Variants in CEP63 observed in about 807,000 individuals in gnomAD.
The protein encoded by CEP63 is centrosomal protein 63.
A neutral mutation model predicts 89.1 loss-of-function variants in CEP63; 84 were observed. The ratio of observed to expected loss-of-function variants is 0.94; its 90% CI spans 0.79 to 1.13. The LOEUF (loss-of-function observed/expected upper bound fraction) is 1.13. CEP63 is among the 50% of genes most tolerant of loss of function. The pLI, the probability that CEP63 is intolerant of heterozygous loss-of-function variation, is 0.00. For missense variants in CEP63, 838 were observed against 813.3 expected (o/e 1.03, Z -0.37); for synonymous variants, 267 against 272.5 (o/e 0.98, Z 0.20).
chr3:134,733,468 G>A, the CEP63 span, among the ~76,000 whole-genome samples: 2 of 151,912 alleles, frequency 1.3e-5, no homozygotes, highest in African/African-American at 4.8e-5. Context: ...AACATACAAA[G>A]GAAGGCAGCA....
rs547788522 is a variant in CEP63 at position 134,489,281 on chromosome 3, A to G, written c.-26+3079A>G. ...AGTGCAGTTATAAAATATTTTCATA[A>G]TTGCAGAAAGTTGTATTGAACAGCA... On this transcript the variant is annotated intron_variant, in intron 1 of 14. Coordinates refer to ENST00000675561, the MANE Select transcript of CEP63 (RefSeq NM_001353108.3). Among the ~76,000 whole-genome samples, 10 of 152,240 alleles carry G rather than the reference A, an allele frequency of 6.6e-5. No individual in the cohort carries two copies. The South Asian group carries it at 2.1e-3, about 32-fold the overall frequency.
the CEP63 span, chr3:134,610,272 C>T: frequency 1.2e-6 from 2 of 1,613,976 alleles, no homozygotes; most frequent in Non-Finnish European, 1.7e-6. Flanking sequence ...ATCTTCCCTC[C>T]AGGTACACAG....
chr3:134,632,618 G>T, the CEP63 span, among the ~76,000 whole-genome samples: 3 of 151,756 alleles, frequency 2.0e-5, no homozygotes, highest in Non-Finnish European at 2.9e-5. Context: ...TGCTTCAAGG[G>T]GAAATTTGTA....
chr3:134,570,699 T>G (rs926261054), intron 11 of CEP63, among the ~76,000 whole-genome samples: 4 of 152,238 alleles, frequency 2.6e-5, no homozygotes, highest in African/African-American at 9.6e-5. Flanking sequence ...CAAAGTCGCT[T>G]CCACATTTTC....
At chr3:134,566,724 CAAAAT>C (rs1957772674), downstream of CEP63, among the ~76,000 whole-genome samples, 1 of 151,786 alleles carries the variant, frequency 6.6e-6, no homozygotes, top group African/African-American at 2.4e-5. Flanking sequence ...AAATCAAAAT[CAAAAT>C]AAGATACCAT....
chr3:134,486,039 A>G (rs1461144617), upstream of CEP63: 1 of 982,034 alleles, frequency 1.0e-6, no homozygotes, highest in Non-Finnish European at 1.2e-6. Context: ...CTTTCCTCGG[A>G]TTCCCGGATG....
At chr3:134,556,041 T>C (rs1956095233) in intron 12 of CEP63, among the ~76,000 whole-genome samples, 2 of 146,786 alleles carry the variant, frequency 1.4e-5, no homozygotes, top group African/African-American at 5.0e-5. Flanking sequence ...CCCTATTTAA[T>C]AAATGGTGCT....
At chr3:134,584,769 G>T (rs1364554523) in intron 10 of CEP63, among the ~76,000 whole-genome samples, 3 of 152,026 alleles carry the variant, frequency 2.0e-5, no homozygotes, top group African/African-American at 7.3e-5. Flanking sequence ...GCTCCTCTTT[G>T]TACCTCTGGT....
intron 10 of CEP63, among the ~76,000 whole-genome samples, chr3:134,584,292 AG>A (rs1261561234): frequency 6.6e-6 from 1 of 152,314 alleles, no homozygotes; most frequent in African/African-American, 2.4e-5. Context: ...TTGCCCATTC[AG>A]TATGGTATCG....
At chr3:134,720,635 C>T in the CEP63 span, among the ~76,000 whole-genome samples, 11 of 152,010 alleles carry the variant, frequency 7.2e-5, no homozygotes, top group Non-Finnish European at 1.3e-4. Context: ...TCCATTGATC[C>T]ATTTTGAGTT....
At chr3:134,485,988 C>T, upstream of CEP63, 1 of 849,744 alleles carries the variant, frequency 1.2e-6, no homozygotes, top group Non-Finnish European at 1.3e-6. Context: ...TTGCTCCTGC[C>T]ACGCCCCCCC....
At chr3:134,739,742 T>C in the CEP63 span, among the ~76,000 whole-genome samples, 2 of 149,546 alleles carry the variant, frequency 1.3e-5, no homozygotes, top group African/African-American at 5.0e-5. Flanking sequence ...ATAGCAAAAT[T>C]GATTCATGAG....
intron 3 of CEP63, among the ~76,000 whole-genome samples, chr3:134,516,044 CCCAGGGGA>C (rs1243944145): frequency 2.0e-5 from 3 of 152,052 alleles, no homozygotes; most frequent in Non-Finnish European, 2.9e-5. Flanking sequence ...AAAAAGGGGG[CCCAGGGGA>C]CCGGCGTTCA....
chr3:134,649,106 G>A, the CEP63 span, among the ~76,000 whole-genome samples: 2 of 152,136 alleles, frequency 1.3e-5, no homozygotes, highest in Non-Finnish European at 2.9e-5. Context: ...CCTCTTCTCT[G>A]CTCTGGTTGT....
the CEP63 span, among the ~76,000 whole-genome samples, chr3:134,644,058 C>A: frequency 6.6e-6 from 1 of 152,146 alleles, no homozygotes; most frequent in Non-Finnish European, 1.5e-5. Context: ...ATCTCCTGAC[C>A]TTGTGATTCA....
intron 12 of CEP63, chr3:134,553,355 G>A (rs1414676408): frequency 6.6e-6 from 1 of 152,098 alleles, no homozygotes; most frequent in Non-Finnish European, 1.5e-5. Flanking sequence ...ATAAAAATGT[G>A]AAGTTTCTGG....
At chr3:134,718,032 A>G in the CEP63 span, among the ~76,000 whole-genome samples, 1 of 152,200 alleles carries the variant, frequency 6.6e-6, no homozygotes, top group Non-Finnish European at 1.5e-5. Context: ...CCCCTCCTCC[A>G]GTCTCAGTCT....
At chr3:134,609,272 G>T in the CEP63 span, among the ~76,000 whole-genome samples, 14 of 152,326 alleles carry the variant, frequency 9.2e-5, no homozygotes, top group South Asian at 4.1e-4. Flanking sequence ...ACCTTTTGTG[G>T]CTCTCCAGGG....
chr3:134,727,482 G>A, the CEP63 span, among the ~76,000 whole-genome samples: 271 of 152,232 alleles, frequency 1.8e-3, no homozygotes, highest in Non-Finnish European at 3.3e-3. Flanking sequence ...CTGACAGCAT[G>A]GCTGTGAAAT....
Sources: allele counts gnomAD v4.1 joint callset (sites outside exome capture counted in the v4.1 genomes callset), GRCh38; gene constraint gnomAD v4.1.1; transcripts MANE v1.5; gene names NCBI Gene and HGNC (gene_info 2026-07-23, HGNC 2026-07-21).